Variants in TTC3 observed in about 807,000 individuals in gnomAD.
TTC3 encodes E3 ubiquitin-protein ligase TTC3.
TTC3 carries 180 observed loss-of-function variants against 249.6 expected under a neutral mutation model. The ratio of observed to expected loss-of-function variants is 0.72; its 90% CI spans 0.64 to 0.82. TTC3 has a LOEUF of 0.82. Among genes scored for constraint, TTC3 ranks in the 40% least tolerant of loss-of-function variants. The probability of loss-of-function intolerance (pLI) is 0.00; values close to 1 mark genes in which losing one functional copy is unlikely to be tolerated. For missense variants in TTC3, 2,061 were observed against 2,398.4 expected, an observed-to-expected ratio of 0.86 and a Z score of 2.94; for synonymous variants, 717 against 805.0, an observed-to-expected ratio of 0.89 and a Z score of 1.85.
exon 33 of TTC3, chr21:37,166,457 G>C (rs781491099): frequency 1.2e-6 from 2 of 1,614,078 alleles, no homozygotes; most frequent in African/African-American, 2.7e-5. Flanking sequence ...GGGAATATCT[G>C]TAAAGTCACA....
At chr21:37,183,299 A>C (rs2082925197) in intron 36 of TTC3, among the ~76,000 whole-genome samples, 1 of 152,188 alleles carries the variant, frequency 6.6e-6, no homozygotes, top group Non-Finnish European at 1.5e-5. Context: ...ATTTATAATT[A>C]CTTTTATCCT....
chr21:37,084,765 C>T (rs543126414), intron 1 of TTC3, among the ~76,000 whole-genome samples: 31 of 152,102 alleles, frequency 2.0e-4, no homozygotes, highest in African/African-American at 4.6e-4. Context: ...GAGGCCGAGG[C>T]GGGCGGATCA....
intron 11 of TTC3, among the ~76,000 whole-genome samples, chr21:37,111,957 C>T (rs1297663815): frequency 4.0e-5 from 1 of 24,952 alleles, no homozygotes; most frequent in Non-Finnish European, 9.3e-5. Flanking sequence ...CTACTGGGTA[C>T]TTACGAAATG....
At chr21:37,076,393 T>G (rs578167806) in intron 1 of TTC3, among the ~76,000 whole-genome samples, 1 of 152,360 alleles carries the variant, frequency 6.6e-6, no homozygotes, top group South Asian at 2.1e-4. Flanking sequence ...ACTTTTTGGT[T>G]CACAGTTGTA....
At chr21:37,137,574 C>T (rs1481944281) in intron 18 of TTC3, among the ~76,000 whole-genome samples, 1 of 152,016 alleles carries the variant, frequency 6.6e-6, no homozygotes, top group African/African-American at 2.4e-5. Flanking sequence ...GCTTTTTATA[C>T]ATGAACAAAA....
At chr21:37,129,017 C>G in exon 16 of TTC3, 1 of 1,594,524 alleles carries the variant, frequency 6.3e-7, no homozygotes, top group Non-Finnish European at 8.5e-7. Context: ...GCCTCCAAAA[C>G]ATAAAGGAAA....
chr21:37,192,243 TA>T, intron 41 of TTC3, 30 bp downstream of exon 41: 8 of 1,256,504 alleles, frequency 6.4e-6, no homozygotes, highest in East Asian at 4.9e-5. Flanking sequence ...TTTTTTTTTT[TA>T]AACCATAATT....
intron 21 of TTC3, among the ~76,000 whole-genome samples, chr21:37,146,813 C>T (rs539825699): frequency 2.0e-5 from 3 of 152,234 alleles, no homozygotes; most frequent in South Asian, 2.1e-4. Flanking sequence ...AACACCGAAC[C>T]GTACACTTCA....
intron 1 of TTC3, among the ~76,000 whole-genome samples, chr21:37,080,258 T>C (rs2071449249): frequency 6.6e-6 from 1 of 152,212 alleles, no homozygotes; most frequent in African/African-American, 2.4e-5. Flanking sequence ...ATTTTTTCTT[T>C]GACTTATGAG....
intron 1 of TTC3, chr21:37,084,081 G>A (rs1006654045): frequency 3.3e-5 from 5 of 152,184 alleles, no homozygotes; most frequent in African/African-American, 1.2e-4. Context: ...AAAAATCACG[G>A]TGAAGCTATG....
intron 10 of TTC3, among the ~76,000 whole-genome samples, chr21:37,104,456 G>T (rs1460874095): frequency 6.6e-6 from 1 of 152,098 alleles, no homozygotes; most frequent in Non-Finnish European, 1.5e-5. Flanking sequence ...TGGGCGTGGT[G>T]GTAGGTGCTT....
chr21:37,108,204 C>A (rs1040816164), intron 10 of TTC3, 188 bp from the exon 11 acceptor site: 1 of 487,644 alleles, frequency 2.1e-6, no homozygotes, highest in Non-Finnish European at 3.6e-6. Context: ...TGACTTTTTC[C>A]CTTTGTTTTA....
chr21:37,108,179 G>C, intron 10 of TTC3: 1 of 465,128 alleles, frequency 2.1e-6, no homozygotes, highest in South Asian at 3.5e-5. Flanking sequence ...GGGTAGTTGT[G>C]ATTGTGACTC....
intron 27 of TTC3, 159 bp downstream of exon 27, chr21:37,153,436 A>ACT: frequency 4.3e-6 from 3 of 695,140 alleles, no homozygotes; most frequent in South Asian, 2.8e-5. Context: ...GCTACTTGGG[A>ACT]GGCGGAGGCA....
chr21:37,152,467 A>C (rs1165876017), intron 26 of TTC3, among the ~76,000 whole-genome samples: 1 of 151,440 alleles, frequency 6.6e-6, no homozygotes, highest in Non-Finnish European at 1.5e-5. Flanking sequence ...GCTCACTGCA[A>C]GCTCCGCCTC....
At chr21:37,129,710 A>G (rs890646790) in intron 16 of TTC3, among the ~76,000 whole-genome samples, 2 of 152,056 alleles carry the variant, frequency 1.3e-5, no homozygotes, top group South Asian at 4.2e-4. Context: ...AGCTCACTGC[A>G]GGCTTGAACT....
chr21:37,086,231 A>C (rs2072450919), intron 1 of TTC3: 1 of 152,232 alleles, frequency 6.6e-6, no homozygotes, highest in Non-Finnish European at 1.5e-5. Context: ...TTTGGAAAGA[A>C]GAAACTTGGT....
At chr21:37,162,834 AC>A (rs1351638052) in intron 31 of TTC3, among the ~76,000 whole-genome samples, 1 of 152,100 alleles carries the variant, frequency 6.6e-6, no homozygotes. Flanking sequence ...AGATCAAGGT[AC>A]TGGCAGATTC....
chr21:37,112,461 G>A (rs1277307328), intron 11 of TTC3, among the ~76,000 whole-genome samples: 2 of 152,104 alleles, frequency 1.3e-5, no homozygotes, highest in East Asian at 1.9e-4. Flanking sequence ...TAAATTCCTC[G>A]ACACATACAC....
Sources: allele counts gnomAD v4.1 joint callset (sites outside exome capture counted in the v4.1 genomes callset), GRCh38; gene constraint gnomAD v4.1.1; transcripts MANE v1.5; gene names NCBI Gene and HGNC (gene_info 2026-07-23, HGNC 2026-07-21).